Variants in PCDHGB6 observed in about 807,000 individuals in gnomAD.
PCDHGB6 encodes protocadherin gamma-B6.
Under a neutral mutation model 59.1 loss-of-function variants are expected in PCDHGB6, and 51 were observed. That is an observed-to-expected ratio of 0.86 (90% CI 0.69 to 1.09). The LOEUF (loss-of-function observed/expected upper bound fraction) is 1.09, where lower values mean the gene tolerates loss of function less well. PCDHGB6 is among the 50% of genes least tolerant of loss of function. PCDHGB6 has a pLI of 0.00. For missense variants in PCDHGB6, 1,148 were observed against 1,205.1 expected (o/e 0.95, Z 0.70); for synonymous variants, 466 against 495.1 (o/e 0.94, Z 0.78).
chr5:141,476,184 T>C lies in PCDHGB6; in HGVS notation c.2419-18623T>C, dbSNP rs1038598087. ...AGGGTAGTGGGAGTTTTGCTTCTGC[T>C]TGGTGCCTTGAACAAGGCTTCCACG... On this transcript the variant is annotated intron_variant, in intron 1 of 3. Coordinates refer to ENST00000520790, the MANE Select transcript of PCDHGB6 (RefSeq NM_018926.3). The surrounding 1 kb of genome is among the most constrained non-coding windows in gnomAD (Gnocchi z 7.6). 1 of 1,613,708 alleles carries C rather than the reference T, an allele frequency of 6.2e-7. No homozygotes were observed. Among genetic ancestry groups the C allele is most frequent in the Non-Finnish European group, 8.5e-7 (1 of 1,179,992 alleles).
rs1591094034 is a variant in PCDHGB6 at position 141,431,659 on chromosome 5, A to T, written c.2418+21039A>T. 3.7e-6 allele frequency: 6 copies of T among 1,614,246 alleles called. No individual in the cohort carries two copies. The highest frequency in any genetic ancestry group is 3.4e-6 in the Non-Finnish European group (4 of 1,180,036). On this transcript the variant is annotated intron_variant, in intron 1 of 3. Coordinates refer to ENST00000520790, the MANE Select transcript of PCDHGB6 (RefSeq NM_018926.3). This position sits in a 1 kb window ranked among gnomAD's most constrained non-coding sequence, Gnocchi z 4.8. ...TCAAACTAGATTGTAATTCAGGGAC[A>T]ATATCAACAATAGGGGAGTTGGACC...
chr5:141,421,791 T>TG, intron 1 of PCDHGB6: 1 of 1,613,792 alleles, frequency 6.2e-7, no homozygotes, highest in Non-Finnish European at 8.5e-7. Flanking sequence ...GCAGAACGGA[T>TG]GGGGCCAAGA....
chr5:141,418,080 A>T (rs1590086455), intron 1 of PCDHGB6: 1 of 1,614,046 alleles, frequency 6.2e-7, no homozygotes, highest in East Asian at 2.2e-5. Flanking sequence ...GAGAAGCTGC[A>T]CTTCAGCGTA....
chr5:141,417,556 A>G, intron 1 of PCDHGB6: 1 of 333,096 alleles, frequency 3.0e-6, no homozygotes, highest in Non-Finnish European at 5.4e-6. Flanking sequence ...TGAAAGAGGT[A>G]GAGAAAAGTC....
intron 3 of PCDHGB6, among the ~76,000 whole-genome samples, chr5:141,508,620 G>A (rs1017391751): frequency 2.0e-5 from 3 of 152,070 alleles, no homozygotes; most frequent in East Asian, 1.9e-4. Context: ...GACGTGGGTG[G>A]GCCGAGCTTC....
chr5:141,475,105 G>C (rs1215386045), intron 1 of PCDHGB6, among the ~76,000 whole-genome samples: 1 of 152,156 alleles, frequency 6.6e-6, no homozygotes, highest in Non-Finnish European at 1.5e-5. Context: ...GATCCTAGGT[G>C]GTAAATAGGC....
Position 141,476,383 on chromosome 5 carries a change from C to G in PCDHGB6, c.2419-18424C>G, listed in dbSNP as rs547854431. ...GGGAGACCGGAGAGATGTTTGTGAACGACCGTCTGGATCGAGAGGAGCTGT... is the reference window on the plus strand; with the variant it reads ...GGGAGACCGGAGAGATGTTTGTGAAGGACCGTCTGGATCGAGAGGAGCTGT... On this transcript the variant is annotated intron_variant, in intron 1 of 3. Transcript: ENST00000520790. The surrounding 1 kb of genome is among the most constrained non-coding windows in gnomAD (Gnocchi z 7.6). 1.2e-6 allele frequency: 2 copies of G among 1,614,102 alleles called. No homozygotes were observed. Among genetic ancestry groups the G allele is most frequent in the Middle Eastern group, 3.3e-4 (2 of 6,062 alleles).
intron 1 of PCDHGB6, among the ~76,000 whole-genome samples, chr5:141,438,615 T>C (rs566173071): frequency 5.6e-5 from 2 of 35,920 alleles, no homozygotes; most frequent in Admixed American, 4.1e-4. Flanking sequence ...TATATATATA[T>C]ATATATATAT....
At chr5:141,429,559 A>G (rs2097222911) in intron 1 of PCDHGB6, among the ~76,000 whole-genome samples, 2 of 152,146 alleles carry the variant, frequency 1.3e-5, no homozygotes, top group Admixed American at 6.5e-5. Context: ...TGATTTGATA[A>G]TATTCAGTTA....
intron 1 of PCDHGB6, chr5:141,420,034 C>T (rs373590502): frequency 7.8e-5 from 126 of 1,613,970 alleles, no homozygotes; most frequent in Non-Finnish European, 9.3e-5. Context: ...CTGCAGGAGA[C>T]TGCTTTGAGT....
At position 141,490,221 on chromosome 5, in the gene PCDHGB6, G is replaced by A; in HGVS notation, c.2419-4586G>A. 6.2e-7 allele frequency: 1 copy of A among 1,614,236 alleles called. No individual in the cohort carries two copies. The highest frequency in any genetic ancestry group is 1.1e-5 in the South Asian group (1 of 91,084). ...ATGCAAGAGCCCGTGACCAGGGACAGCCTGCCATGGAGGGCCACTGTGTGA... is the reference window on the plus strand; with the variant it reads ...ATGCAAGAGCCCGTGACCAGGGACAACCTGCCATGGAGGGCCACTGTGTGA... On this transcript the variant is annotated intron_variant, in intron 1 of 3. Transcript: ENST00000520790. The surrounding 1 kb of genome is among the most constrained non-coding windows in gnomAD (Gnocchi z 5.4).
Position 141,511,229 on chromosome 5 carries a change from T to G in PCDHGB6, c.*56T>G. 6.3e-7 allele frequency: 1 copy of G among 1,598,500 alleles called. No homozygotes were observed. Among genetic ancestry groups the G allele is most frequent in the Non-Finnish European group, 8.5e-7 (1 of 1,172,476 alleles). On this transcript the variant is annotated 3_prime_UTR_variant, in exon 4 of 4. Transcript: ENST00000520790. ...GCCTCTCCCCAACCAGCCCAGCTTC[T>G]CCTTACCTGCACCCAGGCCTCAGAG...
intron 1 of PCDHGB6, chr5:141,417,501 A>T: frequency 4.4e-6 from 1 of 227,168 alleles, no homozygotes. Flanking sequence ...GAGGAAAAAG[A>T]TTAAAATATT....
Position 141,491,260 on chromosome 5 carries a change from A to G in PCDHGB6, c.2419-3547A>G. On this transcript the variant is annotated intron_variant, in intron 1 of 3. Coordinates refer to ENST00000520790, the MANE Select transcript of PCDHGB6 (RefSeq NM_018926.3). This position sits in a 1 kb window ranked among gnomAD's most constrained non-coding sequence, Gnocchi z 6.9. ...TCTGGAGGATGAGGACCCTGAGGAA[A>G]TGCCCAAATCCAGTGACTTCCTCAT... 6.2e-7 allele frequency: 1 copy of G among 1,614,108 alleles called. No individual in the cohort carries two copies. The highest frequency in any genetic ancestry group is 1.7e-5 in the Admixed American group (1 of 60,028).
chr5:141,489,893 G>A lies in PCDHGB6; in HGVS notation c.2419-4914G>A. ...CTGGTGCTTACTGCTGTGGATGGGG[G>A]GACCCCAGCCCGCTCAGGGACCACC... On this transcript the variant is annotated intron_variant, in intron 1 of 3. Transcript: ENST00000520790. This position sits in a 1 kb window ranked among gnomAD's most constrained non-coding sequence, Gnocchi z 4.5. 6.2e-7 allele frequency: 1 copy of A among 1,614,190 alleles called. No individual in the cohort carries two copies. Among genetic ancestry groups the A allele is most frequent in the South Asian group, 1.1e-5 (1 of 91,084 alleles).
chr5:141,414,588 G>A, intron 1 of PCDHGB6: 1 of 1,613,872 alleles, frequency 6.2e-7, no homozygotes, highest in Non-Finnish European at 8.5e-7. Flanking sequence ...ACAACGCCAG[G>A]GGTGCCTCCA....
At chr5:141,441,615 G>A in intron 1 of PCDHGB6, 1 of 219,248 alleles carries the variant, frequency 4.6e-6, no homozygotes, top group Non-Finnish European at 9.2e-6. Context: ...TTCCATCGTG[G>A]CCAGTGACCT....
At chr5:141,428,307 C>T (rs759382004) in intron 1 of PCDHGB6, 5 of 688,034 alleles carry the variant, frequency 7.3e-6, no homozygotes, top group Non-Finnish European at 5.1e-6. Flanking sequence ...TTTACCTGGT[C>T]GTGGCCTTGG....
chr5:141,447,299 C>A (rs543731556), intron 1 of PCDHGB6, among the ~76,000 whole-genome samples: 38 of 152,102 alleles, frequency 2.5e-4, no homozygotes, highest in Middle Eastern at 6.8e-3. Context: ...GCCACCACAC[C>A]CGGCTAATTT....
Sources: allele counts gnomAD v4.1 joint callset (sites outside exome capture counted in the v4.1 genomes callset), GRCh38; gene constraint gnomAD v4.1.1; non-coding constraint Gnocchi (gnomAD v3.1); transcripts MANE v1.5; gene names NCBI Gene and HGNC (gene_info 2026-07-23, HGNC 2026-07-21).